The following RHD variants were observed in gnomAD, a reference collection of about 807,000 sequenced individuals.
RHD encodes the protein blood group Rh(D) polypeptide.
In RHD, 16 loss-of-function variants were observed where a neutral mutation model predicts 45.5. That is an observed-to-expected ratio of 0.35 (90% confidence interval 0.24 to 0.53). RHD has a LOEUF of 0.53. Among genes scored for constraint, RHD ranks in the 20% least tolerant of loss-of-function variants. RHD has a pLI of 0.92. For missense variants in RHD, 306 were observed against 532.0 expected (o/e 0.58, Z 4.18); for synonymous variants, 131 against 217.5 (o/e 0.60, Z 3.50).
chr1:25,291,417 C>T lies in RHD; in HGVS notation c.486+626C>T, dbSNP rs35741698. 2.7e-4 allele frequency among the ~76,000 whole-genome samples: 35 copies of T among 131,668 alleles called. 7 individuals are homozygous for T. The highest frequency in any genetic ancestry group is 8.0e-4 in the African/African-American group (31 of 38,726). The allele number at this position is 131,668 out of a possible 152,430, so 86.4% of individuals were successfully genotyped here. A position where few individuals can be genotyped will look rare whatever the true frequency, so the allele number is the denominator to read the frequency against. On this transcript the variant is annotated intron_variant, in intron 3 of 9. Transcript: ENST00000328664. ...CCGAGAGGTGGAGGTTGCAGTGAAC[C>T]GAGATCGCGCCATTGCACTGCAGCC...
intron 7 of RHD, among the ~76,000 whole-genome samples, chr1:25,308,707 G>T (rs1377240363): frequency 7.8e-6 from 1 of 128,914 alleles, no homozygotes; most frequent in East Asian, 2.0e-4. Flanking sequence ...TCTCATCAGG[G>T]TGAGTGAGTT....
intron 3 of RHD, among the ~76,000 whole-genome samples, chr1:25,293,386 A>C (rs1451698256): frequency 7.6e-6 from 1 of 130,972 alleles, no homozygotes; most frequent in Non-Finnish European, 1.8e-5. Flanking sequence ...TATTTAAAAA[A>C]ATTATTTTCA....
intron 7 of RHD, among the ~76,000 whole-genome samples, chr1:25,316,631 AAAAAAG>A (rs1644455581): frequency 1.7e-5 from 2 of 119,964 alleles, no homozygotes; most frequent in African/African-American, 5.5e-5. Flanking sequence ...AAAAAAAAAA[AAAAAAG>A]AGAGAGAGAG....
At position 25,295,988 on chromosome 1, in the gene RHD, G is replaced by A. The variant is rs1382868824; in HGVS notation, c.487-4958G>A. Reference sequence around the variant, plus strand: ...AGTGATTCTCCTGTCTCAGCTTCCCGAGTAGCTGAGATTACAGGCACACAC... The same window carrying A: ...AGTGATTCTCCTGTCTCAGCTTCCCAAGTAGCTGAGATTACAGGCACACAC... On this transcript the variant is annotated intron_variant, in intron 3 of 9. Coordinates refer to ENST00000328664, the MANE Select transcript of RHD (RefSeq NM_016124.6). 3.5e-5 allele frequency among the ~76,000 whole-genome samples: 4 copies of A among 113,606 alleles called. 1 individual carries two copies. In the Admixed American group the frequency reaches 3.5e-4, roughly 10 times the overall value. 74.5% of individuals were successfully genotyped at this position (113,606 alleles called of 152,430 possible).
intron 3 of RHD, among the ~76,000 whole-genome samples, chr1:25,300,372 C>T (rs1229709021): frequency 7.7e-6 from 1 of 130,258 alleles, no homozygotes; most frequent in Admixed American, 7.4e-5. Context: ...ATTGGCCAGG[C>T]ATGGTTGTAC....
intron 6 of RHD, among the ~76,000 whole-genome samples, chr1:25,305,938 G>A (rs1643791427): frequency 7.6e-6 from 1 of 131,932 alleles, no homozygotes; most frequent in East Asian, 2.0e-4. Context: ...GGATTCTAAG[G>A]AAGGAACCAG....
rs188845162 is a variant in RHD, at chr1:25,329,649, C to T, written c.*725C>T. Reference sequence around the variant, plus strand: ...AATTAGATTATACCACTAGAGTCTTCAGATTTTTATACTTTTTTTTTTTGA... The same window carrying T: ...AATTAGATTATACCACTAGAGTCTTTAGATTTTTATACTTTTTTTTTTTGA... On this transcript the variant is annotated 3_prime_UTR_variant, in exon 10 of 10. Coordinates refer to ENST00000328664, the MANE Select transcript of RHD (RefSeq NM_016124.6). 4.8e-3 allele frequency: 627 copies of T among 129,988 alleles called. 79 individuals are homozygous for T. The highest frequency in any genetic ancestry group is 0.015 in the African/African-American group (566 of 37,936). The allele number at this position is 129,988 out of a possible 1,614,324, so 8.1% of individuals were successfully genotyped here.
At position 25,318,699 on chromosome 1, in the gene RHD, A is replaced by T. The variant is rs1239612070; in HGVS notation, c.1153+1620A>T. Among the ~76,000 whole-genome samples, 4 of 133,052 alleles carry T rather than the reference A, an allele frequency of 3.0e-5. 1 individual carries two copies. In the East Asian group the frequency reaches 7.8e-4, roughly 26 times the overall value. The allele number at this position is 133,052 out of a possible 152,430, so 87.3% of individuals were successfully genotyped here. On this transcript the variant is annotated intron_variant, in intron 8 of 9. Coordinates refer to ENST00000328664, the MANE Select transcript of RHD (RefSeq NM_016124.6). ...ATATGTGTCCCTAAGCAGGAGGTGA[A>T]TGCCAAATAAGAGACAAATGGCGTA...
At position 25,309,808 on chromosome 1, in the gene RHD, A is replaced by C. The variant is rs1442569224; in HGVS notation, c.1073+3079A>C. On this transcript the variant is annotated intron_variant, in intron 7 of 9. Coordinates refer to ENST00000328664, the MANE Select transcript of RHD (RefSeq NM_016124.6). ...TCACTCACAGGGCTGCTGTGAGGAC[A>C]TGTGTTGAGCTGAGGGTCTCGCCAG... Among the ~76,000 whole-genome samples the C allele has an allele frequency of 2.3e-5, 3 of 132,526 alleles. 1 individual carries two copies. Among genetic ancestry groups the C allele is most frequent in the Admixed American group, 1.5e-4 (2 of 13,654 alleles). 86.9% of individuals were successfully genotyped at this position (132,526 alleles called of 152,430 possible).
At chr1:25,321,509 A>AG (rs1228401383) in intron 8 of RHD, among the ~76,000 whole-genome samples, 1 of 120,886 alleles carries the variant, frequency 8.3e-6, no homozygotes, top group African/African-American at 2.8e-5. Flanking sequence ...AAAAAAAAAA[A>AG]AAAAAAAAAA....
Position 25,288,266 on chromosome 1 carries a change from C to T in RHD, c.336-2375C>T, listed in dbSNP as rs1412533979. 3.8e-5 allele frequency among the ~76,000 whole-genome samples: 5 copies of T among 131,506 alleles called. 1 individual carries two copies. Among genetic ancestry groups the T allele is most frequent in the Non-Finnish European group, 9.0e-5 (5 of 55,566 alleles). 86.3% of individuals were successfully genotyped at this position (131,506 alleles called of 152,430 possible). On this transcript the variant is annotated intron_variant, in intron 2 of 9. Coordinates refer to ENST00000328664, the MANE Select transcript of RHD (RefSeq NM_016124.6). ...CTCCTGGGCTCAAGTGATCTGCCCA[C>T]CTCGGCTCTGAAAAGTACTGGAATT...
At chr1:25,315,501 CT>C (rs1189263980) in intron 7 of RHD, among the ~76,000 whole-genome samples, 122 of 114,026 alleles carry the variant, frequency 1.1e-3, no homozygotes, top group Admixed American at 1.5e-3. Context: ...TTCTTTCTTT[CT>C]TTTTTTTTTT....
chr1:25,291,344 C>T (rs1642488273), intron 3 of RHD, among the ~76,000 whole-genome samples: 1 of 131,482 alleles, frequency 7.6e-6, no homozygotes, highest in Non-Finnish European at 1.8e-5. Context: ...TGGCAGGCGC[C>T]TGTAATCCCA....
chr1:25,292,908 G>C (rs978463109), intron 3 of RHD, among the ~76,000 whole-genome samples: 1 of 120,800 alleles, frequency 8.3e-6, no homozygotes, highest in East Asian at 2.0e-4. Context: ...GCCAGCAAAG[G>C]AGACAGAATT....
At chr1:25,307,546 A>G in intron 7 of RHD, 1 of 557,354 alleles carries the variant, frequency 1.8e-6, no homozygotes, top group Non-Finnish European at 3.4e-6. Flanking sequence ...GCATTGTGCT[A>G]GAAACCATTA....
At chr1:25,284,472 C>T in intron 1 of RHD, 101 bp from the exon 2 acceptor site, 2 of 1,107,236 alleles carry the variant, frequency 1.8e-6, no homozygotes, top group South Asian at 1.3e-5. Flanking sequence ...AACGATCTTG[C>T]ATGCCCCTTC....
rs1416162739 is a variant in RHD at position 25,287,969 on chromosome 1, T to C, written c.336-2672T>C. On this transcript the variant is annotated intron_variant, in intron 2 of 9. Coordinates refer to ENST00000328664, the MANE Select transcript of RHD (RefSeq NM_016124.6). ...AACTCCCGACCTCAAGTGATCCACC[T>C]GCCTAGGCCTCCCAAAGTACTGGGA... 1.5e-5 allele frequency among the ~76,000 whole-genome samples: 2 copies of C among 132,490 alleles called. 1 individual carries two copies. Among genetic ancestry groups the C allele is most frequent in the Non-Finnish European group, 3.6e-5 (2 of 55,796 alleles). The allele number at this position is 132,490 out of a possible 152,430, so 86.9% of individuals were successfully genotyped here. A position where few individuals can be genotyped will look rare whatever the true frequency, so the allele number is the denominator to read the frequency against.
In RHD at chr1:25,289,089, T is replaced by C. The variant is rs1642277809; in HGVS notation, c.336-1552T>C. On this transcript the variant is annotated intron_variant, in intron 2 of 9. Coordinates refer to ENST00000328664, the MANE Select transcript of RHD (RefSeq NM_016124.6). The stretch of plus-strand genomic sequence containing the variant: ...CAGCTGGATTTGAACCTCACATTTG[T>C]GATCAGCTGGCATGACTGTTTCCAA... Among the ~76,000 whole-genome samples the C allele has an allele frequency of 1.5e-5, 2 of 132,078 alleles. 1 individual carries two copies. The highest frequency in any genetic ancestry group is 1.5e-4 in the Admixed American group (2 of 13,606). The allele number at this position is 132,078 out of a possible 152,430, so 86.6% of individuals were successfully genotyped here. A position where few individuals can be genotyped will look rare whatever the true frequency, so the allele number is the denominator to read the frequency against.
chr1:25,278,110 T>C lies in RHD; in HGVS notation c.148+5415T>C, dbSNP rs1441837565. Among the ~76,000 whole-genome samples, 6 of 130,228 alleles carry C rather than the reference T, an allele frequency of 4.6e-5. 1 individual carries two copies. Among genetic ancestry groups the C allele is most frequent in the Non-Finnish European group, 9.1e-5 (5 of 55,044 alleles). The allele number at this position is 130,228 out of a possible 152,430, so 85.4% of individuals were successfully genotyped here. A position where few individuals can be genotyped will look rare whatever the true frequency, so the allele number is the denominator to read the frequency against. On this transcript the variant is annotated intron_variant, in intron 1 of 9. Coordinates refer to ENST00000328664, the MANE Select transcript of RHD (RefSeq NM_016124.6). ...TTGCTGTAATGACTACTGGTCTGGATGACCTGTGATGAGACCAGATGGGCA... is the reference window on the plus strand; with the variant it reads ...TTGCTGTAATGACTACTGGTCTGGACGACCTGTGATGAGACCAGATGGGCA...
Sources: allele counts gnomAD v4.1 joint callset (sites outside exome capture counted in the v4.1 genomes callset), GRCh38; gene constraint gnomAD v4.1.1; transcripts MANE v1.5; gene names NCBI Gene and HGNC (gene_info 2026-07-23, HGNC 2026-07-21).